Variants in CDH8 observed in about 807,000 individuals in gnomAD.
CDH8 encodes the protein cadherin-8.
In CDH8, 17 loss-of-function variants were observed where a neutral mutation model predicts 68.1. The observed-to-expected ratio is 0.25, with a 90% confidence interval of 0.17 to 0.37. CDH8 has a LOEUF of 0.37. CDH8 is among the 10% of genes least tolerant of loss of function. The pLI, the probability that CDH8 is intolerant of heterozygous loss-of-function variation, is 1.00. For synonymous variants in CDH8, 372 were observed against 365.1 expected, an observed-to-expected ratio of 1.02 and a Z score of -0.21; for missense variants, 763 against 999.3, an observed-to-expected ratio of 0.76 and a Z score of 3.19.
chr16:61,706,578 G>A (rs1028636010), intron 10 of CDH8, among the ~76,000 whole-genome samples: 3 of 131,918 alleles, frequency 2.3e-5, no homozygotes, highest in African/African-American at 3.0e-5. Context: ...CCGAGATCGC[G>A]CCACCGCACT....
At position 61,926,275 on chromosome 16, in the gene CDH8, T is replaced by C. The variant is rs145061879; in HGVS notation, c.253-24802A>G. On this transcript the variant is annotated intron_variant, in intron 2 of 11. Coordinates refer to ENST00000577390, the MANE Select transcript of CDH8 (RefSeq NM_001796.5). ...AAATAGAATAAACATTCATTGAGGTTTGATCCTTTGGCAGATAATTTAAAT... is the reference window on the plus strand; with the variant it reads ...AAATAGAATAAACATTCATTGAGGTCTGATCCTTTGGCAGATAATTTAAAT... Among the ~76,000 whole-genome samples, 19 of 152,044 alleles carry C rather than the reference T, an allele frequency of 1.2e-4. No homozygotes were observed. The East Asian group carries it at 3.3e-3, about 27-fold the overall frequency.
chr16:61,720,162 T>A (rs1959206619), intron 9 of CDH8, among the ~76,000 whole-genome samples: 1 of 150,970 alleles, frequency 6.6e-6, no homozygotes, highest in South Asian at 2.1e-4. Flanking sequence ...AAGGTGTGTA[T>A]CTACATAGCT....
chr16:61,839,975 A>G (rs1318856345), intron 4 of CDH8, among the ~76,000 whole-genome samples: 1 of 152,092 alleles, frequency 6.6e-6, no homozygotes, highest in African/African-American at 2.4e-5. Context: ...TTTTGCATCT[A>G]CCTTGCCTGC....
Position 61,811,845 on chromosome 16 carries a change from T to C in CDH8, c.1277+5634A>G, listed in dbSNP as rs959212134. 6.6e-5 allele frequency among the ~76,000 whole-genome samples: 10 copies of C among 152,262 alleles called. No homozygotes were observed. In the South Asian group the frequency reaches 1.7e-3, roughly 25 times the overall value. On this transcript the variant is annotated intron_variant, in intron 7 of 11. Coordinates refer to ENST00000577390, the MANE Select transcript of CDH8 (RefSeq NM_001796.5). ...TTCTGCTTTTATGAGGTATCCAAAA[T>C]AGTCAAATCCAAAGAATCAGAGAGG... is the stretch of plus-strand genomic sequence containing the variant.
chr16:61,662,433 T>C (rs1963586776), intron 10 of CDH8, among the ~76,000 whole-genome samples: 2 of 151,556 alleles, frequency 1.3e-5, no homozygotes, highest in African/African-American at 4.8e-5. Flanking sequence ...GTAAAAAATA[T>C]ATGAAAAAAG....
At chr16:61,919,407 G>A (rs548563143) in intron 2 of CDH8, among the ~76,000 whole-genome samples, 6 of 146,038 alleles carry the variant, frequency 4.1e-5, no homozygotes, top group South Asian at 4.5e-4. Context: ...AAAGAAGTTG[G>A]AAACTTTGAA....
rs576644615 is a variant in CDH8 at position 61,951,385 on chromosome 16, C to A, written c.253-49912G>T. On this transcript the variant is annotated intron_variant, in intron 2 of 11. Transcript: ENST00000577390. ...AAAATTAGCTGGGCGTGCTGGCGGG[C>A]GCCTATAGTCCCAGCTACTTGGGAG... Among the ~76,000 whole-genome samples, 243 of 151,632 alleles carry A rather than the reference C, an allele frequency of 1.6e-3. 1 individual carries two copies. The highest frequency in any genetic ancestry group is 3.4e-3 in the Middle Eastern group (1 of 294).
intron 10 of CDH8, among the ~76,000 whole-genome samples, chr16:61,702,769 A>G (rs1354107557): frequency 6.6e-6 from 1 of 152,232 alleles, no homozygotes; most frequent in Non-Finnish European, 1.5e-5. Context: ...AATAAACTGC[A>G]AGGATTTAAG....
At chr16:61,723,462 A>G (rs879767048) in intron 9 of CDH8, among the ~76,000 whole-genome samples, 1 of 150,712 alleles carries the variant, frequency 6.6e-6, no homozygotes, top group Non-Finnish European at 1.5e-5. Flanking sequence ...AACTTGTCCT[A>G]TATTAAGAGG....
intron 8 of CDH8, among the ~76,000 whole-genome samples, chr16:61,737,866 G>A (rs1262640362): frequency 6.6e-6 from 1 of 152,080 alleles, no homozygotes; most frequent in African/African-American, 2.4e-5. Context: ...TACACAGAAG[G>A]AGGAGTTGAC....
chr16:61,702,200 G>A (rs1056359114), intron 10 of CDH8, among the ~76,000 whole-genome samples: 1 of 152,010 alleles, frequency 6.6e-6, no homozygotes, highest in Non-Finnish European at 1.5e-5. Flanking sequence ...GTGAAACCCC[G>A]TCTCTACTAA....
rs149564880 is a variant in CDH8, at chr16:61,876,917, A to G, written c.548-19679T>C. ...TGGCAGACTTAAAGCAAGTCACTAAATCTGAGTCTAATTTACTTACTTGCT... is the reference window on the plus strand; with the variant it reads ...TGGCAGACTTAAAGCAAGTCACTAAGTCTGAGTCTAATTTACTTACTTGCT... On this transcript the variant is annotated intron_variant, in intron 3 of 11. Transcript: ENST00000577390. 5.5e-3 allele frequency among the ~76,000 whole-genome samples: 841 copies of G among 152,244 alleles called. 7 individuals are homozygous for G. The highest frequency in any genetic ancestry group is 0.019 in the African/African-American group (808 of 41,548).
intron 8 of CDH8, among the ~76,000 whole-genome samples, chr16:61,778,356 T>C (rs1960953632): frequency 6.6e-6 from 1 of 152,118 alleles, no homozygotes; most frequent in African/African-American, 2.4e-5. Flanking sequence ...TGAGGGCCGT[T>C]GCTTAGCCAT....
chr16:61,762,629 A>G (rs1248512880), intron 8 of CDH8, among the ~76,000 whole-genome samples: 1 of 152,084 alleles, frequency 6.6e-6, no homozygotes, highest in East Asian at 1.9e-4. Flanking sequence ...TGAATTAGGA[A>G]CTCTGAAGAT....
rs1963231836 is a variant in CDH8, at chr16:61,647,542, T to G, written c.*6066A>C. ...AGCATAATTGTTAAAATCTTCCTCT[T>G]ATTTGTGAGGGATCATAGGATGGCC... On this transcript the variant is annotated 3_prime_UTR_variant, in exon 12 of 12. Coordinates refer to ENST00000577390, the MANE Select transcript of CDH8 (RefSeq NM_001796.5). 1 of 430,526 alleles carries G rather than the reference T, an allele frequency of 2.3e-6. No homozygotes were observed. The highest frequency in any genetic ancestry group is 3.4e-5 in the South Asian group (1 of 29,730). 26.7% of individuals were successfully genotyped at this position (430,526 alleles called of 1,614,324 possible).
At chr16:61,992,050 TTGTGTG>T (rs11271459) in intron 2 of CDH8, among the ~76,000 whole-genome samples, 1 of 144,322 alleles carries the variant, frequency 6.9e-6, no homozygotes, top group Non-Finnish European at 1.5e-5. Flanking sequence ...TGCTAAATCT[TTGTGTG>T]TGTGTGTGTG....
intron 8 of CDH8, among the ~76,000 whole-genome samples, chr16:61,737,843 C>T (rs909629589): frequency 1.3e-5 from 2 of 152,036 alleles, no homozygotes; most frequent in Non-Finnish European, 2.9e-5. Flanking sequence ...CAAAAAATGT[C>T]TGCGTTGTGT....
At chr16:61,779,656 T>C (rs553097109) in intron 8 of CDH8, among the ~76,000 whole-genome samples, 3 of 152,318 alleles carry the variant, frequency 2.0e-5, no homozygotes, top group Admixed American at 1.3e-4. Context: ...TACTATGCTG[T>C]GTTCTCTATT....
chr16:61,776,932 C>T (rs765809286), intron 8 of CDH8, among the ~76,000 whole-genome samples: 1 of 152,118 alleles, frequency 6.6e-6, no homozygotes, highest in African/African-American at 2.4e-5. Context: ...CAAACCTGCA[C>T]ATGCACCCCT....
Sources: gnomAD v4.1 joint callset for allele counts (sites outside exome capture counted in the v4.1 genomes callset) on GRCh38, gnomAD v4.1.1 for gene constraint, MANE v1.5 for transcripts, NCBI Gene and HGNC (gene_info 2026-07-23, HGNC 2026-07-21) for gene names.